GRM8: variants seen among roughly 807,000 people sequenced by gnomAD.
GRM8 encodes glutamate metabotropic receptor 8.
Under a neutral mutation model 87.2 loss-of-function variants are expected in GRM8, and 47 were observed. That is an observed-to-expected ratio of 0.54 (90% CI 0.43 to 0.69). GRM8 has a LOEUF of 0.69. GRM8 is among the 30% of genes least tolerant of loss of function. The pLI, the probability that GRM8 is intolerant of heterozygous loss-of-function variation, is 0.00. For missense variants in GRM8, 1,019 were observed against 1,139.2 expected (o/e 0.89, Z 1.52); for synonymous variants, 396 against 404.5 (o/e 0.98, Z 0.25).
intron 6 of GRM8, among the ~76,000 whole-genome samples, chr7:126,772,163 A>T (rs1397019623): frequency 6.6e-6 from 1 of 152,104 alleles, no homozygotes; most frequent in Non-Finnish European, 1.5e-5. Context: ...TCTGGTAACT[A>T]TCCCCTCTTG....
intron 6 of GRM8, among the ~76,000 whole-genome samples, chr7:126,855,154 G>T (rs865934092): frequency 2.0e-5 from 3 of 152,108 alleles, no homozygotes; most frequent in African/African-American, 7.2e-5. Flanking sequence ...TAAGAAATAT[G>T]AATCCTTTCA....
chr7:127,208,642 G>C (rs1203558604), intron 2 of GRM8, among the ~76,000 whole-genome samples: 1 of 152,138 alleles, frequency 6.6e-6, no homozygotes, highest in Non-Finnish European at 1.5e-5. Flanking sequence ...GATCCTCTTG[G>C]GAGGCAGACC....
intron 3 of GRM8, among the ~76,000 whole-genome samples, chr7:127,054,828 A>C (rs1051226778): frequency 1.3e-5 from 2 of 152,206 alleles, no homozygotes; most frequent in African/African-American, 4.8e-5. Flanking sequence ...GATATGGGTC[A>C]AGTTGAACAA....
chr7:127,020,809 T>C (rs951569090), intron 3 of GRM8, among the ~76,000 whole-genome samples: 4 of 152,088 alleles, frequency 2.6e-5, no homozygotes, highest in African/African-American at 9.7e-5. Context: ...ATTATTCTTC[T>C]GTTGCCCTAA....
At chr7:126,572,036 T>C (rs35260564) in intron 8 of GRM8, among the ~76,000 whole-genome samples, 46,919 of 152,000 alleles carry the variant, frequency 0.31, 8,121 homozygotes, top group East Asian at 0.44. Context: ...CCACCACACC[T>C]GGCCCCAGGA....
At chr7:126,978,101 A>G (rs1811187923) in intron 3 of GRM8, among the ~76,000 whole-genome samples, 1 of 152,020 alleles carries the variant, frequency 6.6e-6, no homozygotes, top group African/African-American at 2.4e-5. Context: ...AGAAAGGTTA[A>G]TGTGAATCAA....
intron 6 of GRM8, among the ~76,000 whole-genome samples, chr7:126,898,085 A>G (rs1285628914): frequency 1.3e-5 from 2 of 152,204 alleles, no homozygotes; most frequent in African/African-American, 2.4e-5. Context: ...TACTCAACAC[A>G]TATAACTTAA....
At chr7:126,612,251 A>T (rs1356898089) in intron 7 of GRM8, among the ~76,000 whole-genome samples, 1 of 152,170 alleles carries the variant, frequency 6.6e-6, no homozygotes, top group African/African-American at 2.4e-5. Flanking sequence ...AGAACATATA[A>T]ACTCAGTGAG....
chr7:127,232,834 GT>G (rs1797769805), intron 2 of GRM8, among the ~76,000 whole-genome samples: 1 of 151,872 alleles, frequency 6.6e-6, no homozygotes, highest in African/African-American at 2.4e-5. Context: ...ATTAACTGGG[GT>G]TTTTTGTTTT....
intron 3 of GRM8, among the ~76,000 whole-genome samples, 175 bp downstream of exon 3, chr7:127,106,321 C>T (rs1391762391): frequency 6.6e-6 from 1 of 152,156 alleles, no homozygotes; most frequent in Non-Finnish European, 1.5e-5. Context: ...CTTGATAGAC[C>T]TATGAACAAC....
intron 7 of GRM8, among the ~76,000 whole-genome samples, chr7:126,663,593 C>A (rs775115457): frequency 7.2e-5 from 11 of 151,994 alleles, no homozygotes; most frequent in Non-Finnish European, 1.2e-4. Flanking sequence ...ATCTAACAAC[C>A]CTTCATGATA....
At chr7:126,690,217 G>C (rs966825913) in intron 7 of GRM8, among the ~76,000 whole-genome samples, 13 of 152,226 alleles carry the variant, frequency 8.5e-5, no homozygotes, top group Non-Finnish European at 1.5e-5. Context: ...TGCCCACTCG[G>C]CCTGGCAGGC....
intron 6 of GRM8, among the ~76,000 whole-genome samples, chr7:126,776,604 G>A (rs1677171637): frequency 6.6e-6 from 1 of 152,124 alleles, no homozygotes; most frequent in Non-Finnish European, 1.5e-5. Context: ...CAATAACGTG[G>A]TTGATCATTT....
intron 2 of GRM8, among the ~76,000 whole-genome samples, chr7:127,164,571 C>T (rs1793322811): frequency 6.6e-6 from 1 of 152,158 alleles, no homozygotes; most frequent in African/African-American, 2.4e-5. Flanking sequence ...ACAATGTATT[C>T]ATTCAGTTTG....
intron 8 of GRM8, among the ~76,000 whole-genome samples, chr7:126,547,199 C>A (rs897819238): frequency 6.6e-6 from 1 of 152,164 alleles, no homozygotes; most frequent in Non-Finnish European, 1.5e-5. Flanking sequence ...CGTTATAGTG[C>A]ACCCTTACAT....
intron 2 of GRM8, among the ~76,000 whole-genome samples, chr7:127,147,687 A>G (rs1047611158): frequency 7.9e-5 from 12 of 152,072 alleles, no homozygotes; most frequent in Non-Finnish European, 4.4e-5. Flanking sequence ...GAATTAACCA[A>G]TGTAACTAAT....
At chr7:126,693,033 G>A (rs1808993248) in intron 7 of GRM8, among the ~76,000 whole-genome samples, 1 of 152,088 alleles carries the variant, frequency 6.6e-6, no homozygotes, top group African/African-American at 2.4e-5. Flanking sequence ...CCCTCAATAG[G>A]AAAAAGTTGG....
At chr7:126,447,567 C>T (rs1348955202) in intron 9 of GRM8, among the ~76,000 whole-genome samples, 1 of 151,804 alleles carries the variant, frequency 6.6e-6, no homozygotes, top group Non-Finnish European at 1.5e-5. Flanking sequence ...ATCCTCAAGA[C>T]CAAACTAATT....
At chr7:127,094,528 C>A (rs1461478072) in intron 3 of GRM8, among the ~76,000 whole-genome samples, 1 of 152,182 alleles carries the variant, frequency 6.6e-6, no homozygotes, top group Non-Finnish European at 1.5e-5. Context: ...TGAAGTGATG[C>A]TTCTACTTGC....
Sources: gnomAD v4.1 joint callset for allele counts (sites outside exome capture counted in the v4.1 genomes callset) on GRCh38, gnomAD v4.1.1 for gene constraint, MANE v1.5 for transcripts, NCBI Gene and HGNC (gene_info 2026-07-23, HGNC 2026-07-21) for gene names.